The following PAX5 variants were observed in gnomAD, a reference collection of about 807,000 sequenced individuals.
PAX5 encodes the protein paired box protein Pax-5.
Under a neutral mutation model 43.7 loss-of-function variants are expected in PAX5, and 9 were observed. That is an observed-to-expected ratio of 0.21 (90% CI 0.12 to 0.36). The LOEUF (loss-of-function observed/expected upper bound fraction) is 0.36, where lower values mean the gene tolerates loss of function less well. Ranked by LOEUF, PAX5 falls within the 10% of genes least tolerant of loss-of-function variation. The probability of loss-of-function intolerance (pLI) is 1.00; values close to 1 mark genes in which losing one functional copy is unlikely to be tolerated. For synonymous variants in PAX5, 228 were observed against 214.3 expected (o/e 1.06, Z -0.56); for missense variants, 383 against 532.7 (o/e 0.72, Z 2.77).
chr9:37,011,057 G>A (rs147541744), intron 3 of PAX5, among the ~76,000 whole-genome samples: 74 of 151,028 alleles, frequency 4.9e-4, no homozygotes, highest in Admixed American at 2.4e-3. Context: ...GGAGATCAAG[G>A]TTGCAGTGAA....
At chr9:37,032,818 G>A (rs998073690) in intron 1 of PAX5, among the ~76,000 whole-genome samples, 1 of 152,208 alleles carries the variant, frequency 6.6e-6, no homozygotes, top group Non-Finnish European at 1.5e-5. Context: ...TCTCCTCTCA[G>A]ACATAAACAC....
At chr9:36,951,121 T>A (rs1832973873) in intron 6 of PAX5, among the ~76,000 whole-genome samples, 1 of 152,028 alleles carries the variant, frequency 6.6e-6, no homozygotes, top group African/African-American at 2.4e-5. Flanking sequence ...AGTAGGGTGG[T>A]AGGGTGGTGT....
At chr9:36,987,368 C>T (rs969484943) in intron 5 of PAX5, among the ~76,000 whole-genome samples, 2 of 152,218 alleles carry the variant, frequency 1.3e-5, no homozygotes, top group Admixed American at 6.5e-5. Context: ...AAATGTGTCC[C>T]TTGCCACAGA....
chr9:36,987,030 A>G (rs765995342), intron 5 of PAX5, among the ~76,000 whole-genome samples: 1 of 152,206 alleles, frequency 6.6e-6, no homozygotes, highest in African/African-American at 2.4e-5. Flanking sequence ...GGATGGGCAC[A>G]GTCTAATCTT....
chr9:36,968,484 C>T (rs1178290483), intron 5 of PAX5, among the ~76,000 whole-genome samples: 3 of 152,230 alleles, frequency 2.0e-5, no homozygotes, highest in South Asian at 4.1e-4. Flanking sequence ...GCTCAGAGGA[C>T]CCAGCATCCT....
At chr9:36,939,184 C>G (rs1831813334) in intron 6 of PAX5, among the ~76,000 whole-genome samples, 2 of 152,160 alleles carry the variant, frequency 1.3e-5, no homozygotes, top group African/African-American at 2.4e-5. Context: ...TGGTAGTTGC[C>G]CCACCACCCT....
At chr9:36,943,529 T>TACACACACACACACACAC (rs1554668821) in intron 6 of PAX5, among the ~76,000 whole-genome samples, 17 of 145,912 alleles carry the variant, frequency 1.2e-4, no homozygotes, top group African/African-American at 3.8e-4. Flanking sequence ...TAGTTCAACA[T>TACACACACACACACACAC]ACACACACAC....
intron 5 of PAX5, among the ~76,000 whole-genome samples, chr9:36,966,980 T>G (rs1335506617): frequency 6.6e-6 from 1 of 152,164 alleles, no homozygotes; most frequent in African/African-American, 2.4e-5. Context: ...CTAATCCTCA[T>G]GATGACCCTC....
At chr9:36,886,230 G>T (rs983034827) in intron 7 of PAX5, among the ~76,000 whole-genome samples, 12 of 152,184 alleles carry the variant, frequency 7.9e-5, no homozygotes, top group Non-Finnish European at 1.5e-4. Flanking sequence ...GAGTTTGGGG[G>T]GCATTTGCTA....
At chr9:36,923,594 GCCAA>G in intron 6 of PAX5, 110 bp from the exon 7 acceptor site, 1 of 1,303,690 alleles carries the variant, frequency 7.7e-7, no homozygotes, top group Non-Finnish European at 1.1e-6. Flanking sequence ...CCATGCCTGT[GCCAA>G]GGCCCACAAG....
chr9:36,908,552 A>T (rs1354195756), intron 7 of PAX5, among the ~76,000 whole-genome samples: 1 of 152,198 alleles, frequency 6.6e-6, no homozygotes, highest in Non-Finnish European at 1.5e-5. Flanking sequence ...GTTCAGTTTT[A>T]ATGGAGAGAT....
At chr9:36,897,002 T>C (rs955040095) in intron 7 of PAX5, among the ~76,000 whole-genome samples, 1 of 152,140 alleles carries the variant, frequency 6.6e-6, no homozygotes, top group Non-Finnish European at 1.5e-5. Flanking sequence ...GCAGACCTTC[T>C]GGAGGAGAAG....
At chr9:36,854,314 A>G (rs1823437620) in intron 8 of PAX5, among the ~76,000 whole-genome samples, 1 of 152,222 alleles carries the variant, frequency 6.6e-6, no homozygotes, top group Non-Finnish European at 1.5e-5. Context: ...TTCATAATAC[A>G]CATGTATAGA....
At chr9:36,996,506 T>C (rs1407992598) in intron 5 of PAX5, among the ~76,000 whole-genome samples, 1 of 152,230 alleles carries the variant, frequency 6.6e-6, no homozygotes. Flanking sequence ...GGCTGCCTAT[T>C]ACTCCTGACT....
At chr9:36,919,604 G>A (rs1449248234) in intron 7 of PAX5, among the ~76,000 whole-genome samples, 3 of 152,150 alleles carry the variant, frequency 2.0e-5, no homozygotes, top group Admixed American at 1.3e-4. Flanking sequence ...AGCACTTTGG[G>A]AGGCTGAGGC....
chr9:37,000,586 C>T (rs190587118), intron 5 of PAX5, among the ~76,000 whole-genome samples: 95 of 152,236 alleles, frequency 6.2e-4, no homozygotes, highest in Non-Finnish European at 1.1e-3. Context: ...AACACCGTGT[C>T]TATTTATTAA....
intron 1 of PAX5, among the ~76,000 whole-genome samples, chr9:37,027,613 C>T (rs1840540801): frequency 6.6e-6 from 1 of 152,232 alleles, no homozygotes; most frequent in Admixed American, 6.5e-5. Context: ...GTTGCCGCCG[C>T]CGCCGCCGTC....
At chr9:36,948,907 G>A (rs749410399) in intron 6 of PAX5, among the ~76,000 whole-genome samples, 2 of 152,004 alleles carry the variant, frequency 1.3e-5, no homozygotes, top group Non-Finnish European at 1.5e-5. Context: ...TCTCTGCCCT[G>A]TAGAACCTCT....
At chr9:36,989,772 C>T (rs1836770974) in intron 5 of PAX5, among the ~76,000 whole-genome samples, 1 of 152,220 alleles carries the variant, frequency 6.6e-6, no homozygotes, top group African/African-American at 2.4e-5. Flanking sequence ...GTGTTCTGCT[C>T]AGCAGCCTCC....
Sources: gnomAD v4.1 joint callset for allele counts (sites outside exome capture counted in the v4.1 genomes callset) on GRCh38, gnomAD v4.1.1 for gene constraint, MANE v1.5 for transcripts, NCBI Gene and HGNC (gene_info 2026-07-23, HGNC 2026-07-21) for gene names.